The following MBTD1 variants were observed in gnomAD, a reference collection of about 807,000 sequenced individuals.
MBTD1 encodes the protein MBT domain-containing protein 1.
Under a neutral mutation model 87.8 loss-of-function variants are expected in MBTD1, and 24 were observed. The observed-to-expected ratio is 0.27, with a 90% CI of 0.20 to 0.38. The LOEUF (loss-of-function observed/expected upper bound fraction) is 0.38, where lower values mean the gene tolerates loss of function less well. MBTD1 is among the 10% of genes least tolerant of loss of function. The pLI is 1.00. For missense variants in MBTD1, 436 were observed against 760.2 expected (o/e 0.57, Z 5.02); for synonymous variants, 237 against 248.6 (o/e 0.95, Z 0.44).
chr17:51,186,222 T>C (rs2050527205), intron 16 of MBTD1: 1 of 152,640 alleles, frequency 6.6e-6, no homozygotes, highest in Admixed American at 6.5e-5. Context: ...CCTCTCTAAA[T>C]ATCAAGTCAG....
chr17:51,201,672 C>G lies in MBTD1; in HGVS notation c.1144G>C (p.Glu382Gln), dbSNP rs907624254. The G allele has an allele frequency of 6.2e-7, 1 of 1,609,386 alleles. No homozygotes were observed. The highest frequency in any genetic ancestry group is 8.5e-7 in the Non-Finnish European group (1 of 1,176,400). Reference protein sequence around the residue: ...AKVKEVDQSGEWFKEGMKLEA... With the variant: ...AKVKEVDQSGQWFKEGMKLEA... Reference sequence around the variant, plus strand: ...AATTTCATTCCTTCCTTGAACCATTCCCCACTCTGGTCTACTTCTTTTACC... The same window carrying G: ...AATTTCATTCCTTCCTTGAACCATTGCCCACTCTGGTCTACTTCTTTTACC... The change falls in exon 12 of 17, where the codon GAA becomes CAA. Residue 382 changes from glutamate to glutamine, a missense_variant. Glu to Gln is a conservative substitution (Grantham distance 29, BLOSUM62 2). Coordinates refer to ENST00000586178, the MANE Select transcript of MBTD1 (RefSeq NM_017643.3).
rs746225805 is a variant in MBTD1, at chr17:51,193,395, T to A, written c.1455+33A>T. The A allele has an allele frequency of 1.4e-6, 2 of 1,420,206 alleles. 1 individual carries two copies. Among genetic ancestry groups the A allele is most frequent in the South Asian group, 2.4e-5 (2 of 84,390 alleles). 88.0% of individuals were successfully genotyped at this position (1,420,206 alleles called of 1,614,324 possible). ...ATTGTATTTGTGGGGCATTAATAAG[T>A]CCTCACATAATTATGCTGCCATTTA... On this transcript the variant is annotated intron_variant, in intron 14 of 16. Transcript: ENST00000586178.
At chr17:51,211,326 T>A (rs903438979) in intron 6 of MBTD1, among the ~76,000 whole-genome samples, 2 of 151,612 alleles carry the variant, frequency 1.3e-5, no homozygotes, top group African/African-American at 4.8e-5. Context: ...ACCCCGTCTT[T>A]ACTAAAAATA....
intron 13 of MBTD1, among the ~76,000 whole-genome samples, chr17:51,194,704 A>C (rs1004561374): frequency 6.7e-6 from 1 of 150,154 alleles, no homozygotes; most frequent in African/African-American, 2.5e-5. Flanking sequence ...TAACATAGTG[A>C]GATTCCTGTC....
chr17:51,259,792 C>T, intron 1 of MBTD1, 43 bp downstream of exon 1: 1 of 1,232,768 alleles, frequency 8.1e-7, no homozygotes, highest in Non-Finnish European at 1.0e-6. Context: ...GCAGGCGTCC[C>T]CCCCACCTGG....
rs75602134 is a variant in MBTD1 at position 51,214,395 on chromosome 17, A to G, written c.486+2939T>C. On this transcript the variant is annotated intron_variant, in intron 6 of 16. Coordinates refer to ENST00000586178, the MANE Select transcript of MBTD1 (RefSeq NM_017643.3). ...TATAAATAGTTACAGGAATTATCAA[A>G]AAAGATATAGTCCTATGATCTACTC... Among the ~76,000 whole-genome samples the G allele has an allele frequency of 8.6e-3, 1,313 of 152,348 alleles. 21 individuals are homozygous for G. Among genetic ancestry groups the G allele is most frequent in the African/African-American group, 0.025 (1,031 of 41,576 alleles).
At chr17:51,223,349 AT>A (rs2053023007) in intron 3 of MBTD1, among the ~76,000 whole-genome samples, 1 of 151,170 alleles carries the variant, frequency 6.6e-6, no homozygotes, top group Non-Finnish European at 1.5e-5. Flanking sequence ...CCTGGGCAAT[AT>A]GGTGAAAATT....
chr17:51,217,279 C>T, intron 6 of MBTD1, 55 bp downstream of exon 6: 1 of 1,014,398 alleles, frequency 9.9e-7, no homozygotes, highest in Non-Finnish European at 1.5e-6. Context: ...ATTGTACCTT[C>T]AGATTTAAAC....
intron 2 of MBTD1, among the ~76,000 whole-genome samples, chr17:51,232,750 G>T (rs565667315): frequency 6.6e-6 from 1 of 152,158 alleles, no homozygotes; most frequent in African/African-American, 2.4e-5. Context: ...ATGAGAACAT[G>T]AATTAGGCCA....
chr17:51,210,531 G>A (rs186593548), intron 6 of MBTD1, among the ~76,000 whole-genome samples: 327 of 151,866 alleles, frequency 2.2e-3, no homozygotes, highest in African/African-American at 7.5e-3. Flanking sequence ...TGAGGCAGGT[G>A]GATCACCTGA....
At chr17:51,260,526 C>G (rs1290999098), upstream of MBTD1, 1 of 1,540,110 alleles carries the variant, frequency 6.5e-7, no homozygotes, top group African/African-American at 1.4e-5. Flanking sequence ...CGCGAGGGGC[C>G]TGGGCGCATG....
At chr17:51,225,563 C>T (rs2053165180) in intron 2 of MBTD1, among the ~76,000 whole-genome samples, 1 of 150,566 alleles carries the variant, frequency 6.6e-6, no homozygotes, top group African/African-American at 2.5e-5. Context: ...TGCCATGTTG[C>T]CCAGGCTGGT....
chr17:51,179,482 T>TTATATATATATATATATA lies in MBTD1; in HGVS notation c.*1093_*1094insTATATATATATATATATA, dbSNP rs1491325264. ...AAATCCTGAATACAATTAAAGACAA[T>TTATATATATATATATATA]TTTATATATATATATATATATATAT... On this transcript the variant is annotated 3_prime_UTR_variant, in exon 17 of 17. Transcript: ENST00000586178. The TTATATATATATATATATA allele has an allele frequency of 2.8e-4, 9 of 31,648 alleles. No individual in the cohort carries two copies. The highest frequency in any genetic ancestry group is 2.0e-3 in the East Asian group (3 of 1,494). 2.0% of individuals were successfully genotyped at this position (31,648 alleles called of 1,614,324 possible). A position where few individuals can be genotyped will look rare whatever the true frequency, so the allele number is the denominator to read the frequency against.
chr17:51,223,116 T>G (rs1427063972), intron 3 of MBTD1, among the ~76,000 whole-genome samples: 1 of 151,934 alleles, frequency 6.6e-6, no homozygotes, highest in African/African-American at 2.4e-5. Context: ...GCTATTCATC[T>G]TTTTAACCAA....
chr17:51,201,670 T>G lies in MBTD1; in HGVS notation c.1146A>C (p.Glu382Asp). Residue 382 changes from glutamate to aspartate, a missense_variant, in exon 12 of 17, where the codon GAA becomes GAC. Around this residue, in one of 5 missense-constraint regions of MBTD1, gnomAD observed 268 missense variants for 401.8 expected, o/e 0.67. Coordinates refer to ENST00000586178, the MANE Select transcript of MBTD1 (RefSeq NM_017643.3). ...CCAATTTCATTCCTTCCTTGAACCA[T>G]TCCCCACTCTGGTCTACTTCTTTTA... ...AKVKEVDQSGEWFKEGMKLEA... is the reference protein window; with the variant it reads ...AKVKEVDQSGDWFKEGMKLEA... The G allele has an allele frequency of 6.2e-7, 1 of 1,609,860 alleles. No homozygotes were observed. The highest frequency in any genetic ancestry group is 8.5e-7 in the Non-Finnish European group (1 of 1,176,762).
In MBTD1 at chr17:51,206,776, C is replaced by A. The variant is rs955415447; in HGVS notation, c.604+112G>T. 10 of 707,072 alleles carry A rather than the reference C, an allele frequency of 1.4e-5. No individual in the cohort carries two copies. In the African/African-American group the frequency reaches 1.6e-4, roughly 11 times the overall value. The allele number at this position is 707,072 out of a possible 1,614,324, so 43.8% of individuals were successfully genotyped here. On this transcript the variant is annotated intron_variant, in intron 7 of 16. Coordinates refer to ENST00000586178, the MANE Select transcript of MBTD1 (RefSeq NM_017643.3). The stretch of plus-strand genomic sequence containing the variant: ...CAATTTGCCAACCCCTGCCCTATAT[C>A]ATAACATATTTTTTATTTGGCAATA...
Position 51,247,383 on chromosome 17 carries a change from A to G in MBTD1, c.-49+11760T>C, listed in dbSNP as rs1017516694. On this transcript the variant is annotated intron_variant, in intron 2 of 16. Transcript: ENST00000586178. ...AGTTTTTCATTAGTATCTGTATGTG[A>G]TAACTCTGTAATTTTCATTTTTTGA... Among the ~76,000 whole-genome samples, 3 of 151,786 alleles carry G rather than the reference A, an allele frequency of 2.0e-5. No homozygotes were observed. The East Asian group carries it at 5.8e-4, about 29-fold the overall frequency.
At chr17:51,260,702 C>A (rs2055429848), upstream of MBTD1, 2 of 1,603,664 alleles carry the variant, frequency 1.2e-6, no homozygotes, top group East Asian at 4.5e-5. Context: ...CGGGCCTCCC[C>A]AAAAGCCTGC....
chr17:51,197,626 C>T (rs916001367), intron 12 of MBTD1, among the ~76,000 whole-genome samples: 5 of 151,686 alleles, frequency 3.3e-5, no homozygotes, highest in African/African-American at 1.2e-4. Context: ...CCCACCCTAG[C>T]CTCCTGGATA....
Sources: gnomAD v4.1 joint callset for allele counts (sites outside exome capture counted in the v4.1 genomes callset) on GRCh38, gnomAD v4.1.1 for gene constraint, gnomAD v4.1.1 regional missense constraint, MANE v1.5 for transcripts, NCBI Gene and HGNC (gene_info 2026-07-23, HGNC 2026-07-21) for gene names.